The following DGAT1 variants were observed in gnomAD, a reference collection of about 807,000 sequenced individuals.
DGAT1 encodes the protein ACAT related gene product 1.
In DGAT1, 60 loss-of-function variants were observed where a neutral mutation model predicts 72.6. The observed-to-expected ratio is 0.83, with a 90% CI of 0.67 to 1.02. The LOEUF (loss-of-function observed/expected upper bound fraction) is 1.02, where lower values mean the gene tolerates loss of function less well. DGAT1 is among the 50% of genes least tolerant of loss of function. The probability of loss-of-function intolerance (pLI) is 0.00; values close to 1 mark genes in which losing one functional copy is unlikely to be tolerated. For missense variants in DGAT1, 592 were observed against 670.0 expected, an observed-to-expected ratio of 0.88 and a Z score of 1.29; for synonymous variants, 290 against 267.5, an observed-to-expected ratio of 1.08 and a Z score of -0.82.
intron 1 of DGAT1, among the ~76,000 whole-genome samples, chr8:144,323,301 C>T (rs1554848386): frequency 6.6e-6 from 1 of 152,150 alleles, no homozygotes; most frequent in African/African-American, 2.4e-5. Flanking sequence ...CCTACACAAG[C>T]TTTCTCAGGG....
chr8:144,322,670 C>T (rs1817491306), intron 1 of DGAT1, among the ~76,000 whole-genome samples: 2 of 152,202 alleles, frequency 1.3e-5, no homozygotes, highest in Admixed American at 1.3e-4. Context: ...GACAAGTCTA[C>T]ACTAGTCCCC....
In DGAT1 at chr8:144,315,249, C is replaced by T. The variant is rs1395418960; in HGVS notation, c.*1305G>A. 1.0e-6 allele frequency: 1 copy of T among 985,548 alleles called. No homozygotes were observed. The highest frequency in any genetic ancestry group is 1.2e-6 in the Non-Finnish European group (1 of 830,032). The allele number at this position is 985,548 out of a possible 1,614,324, so 61.1% of individuals were successfully genotyped here. A position where few individuals can be genotyped will look rare whatever the true frequency, so the allele number is the denominator to read the frequency against. Reference sequence around the variant, plus strand: ...GTGGGATGGAGGAGTCGGCCCCACACCCATCCCCCCACCAGGAGCTCACCC... The same window carrying T: ...GTGGGATGGAGGAGTCGGCCCCACATCCATCCCCCCACCAGGAGCTCACCC... On this transcript the variant is annotated 3_prime_UTR_variant, in exon 17 of 17. Coordinates refer to ENST00000528718, the MANE Select transcript of DGAT1 (RefSeq NM_012079.6).
chr8:144,325,458 T>A (rs1800261659), intron 1 of DGAT1, among the ~76,000 whole-genome samples: 1 of 151,622 alleles, frequency 6.6e-6, no homozygotes, highest in Non-Finnish European at 1.5e-5. Flanking sequence ...AGAGAGCAAA[T>A]CATTGCCAAC....
intron 7 of DGAT1, 27 bp from the exon 8 acceptor site, chr8:144,318,196 G>C: frequency 1.2e-6 from 2 of 1,609,394 alleles, no homozygotes; most frequent in African/African-American, 2.7e-5. Flanking sequence ...GTGGGAGGGG[G>C]CTGGTGGGGC....
At position 144,315,914 on chromosome 8, in the gene DGAT1, T is replaced by C; in HGVS notation, c.*640A>G. ...CCCACACCAGAAAGGCCCTGTGGAC[T>C]GCCCATCCCTGGGCCATCCTGGCTG... On this transcript the variant is annotated 3_prime_UTR_variant, in exon 17 of 17. Transcript: ENST00000528718. 1.0e-6 allele frequency: 1 copy of C among 986,072 alleles called. No homozygotes were observed. 61.1% of individuals were successfully genotyped at this position (986,072 alleles called of 1,614,324 possible).
rs1207568753 is a variant in DGAT1, at chr8:144,315,861, G to A, written c.*693C>T. The A allele has an allele frequency of 2.5e-5, 25 of 985,434 alleles. No individual in the cohort carries two copies. Among genetic ancestry groups the A allele is most frequent in the Non-Finnish European group, 4.8e-6 (4 of 830,008 alleles). The allele number at this position is 985,434 out of a possible 1,614,324, so 61.0% of individuals were successfully genotyped here. A position where few individuals can be genotyped will look rare whatever the true frequency, so the allele number is the denominator to read the frequency against. ...GCGAATAGCCATGGACATAGCCATT[G>A]TGTACCGTAGCCCCTCGGCTCACCA... On this transcript the variant is annotated 3_prime_UTR_variant, in exon 17 of 17. Coordinates refer to ENST00000528718, the MANE Select transcript of DGAT1 (RefSeq NM_012079.6).
At position 144,318,320 on chromosome 8, in the gene DGAT1, A is replaced by G; in HGVS notation, c.617T>C (p.Leu206Pro). 1 of 1,612,636 alleles carries G rather than the reference A, an allele frequency of 6.2e-7. No homozygotes were observed. The highest frequency in any genetic ancestry group is 8.5e-7 in the Non-Finnish European group (1 of 1,179,790). The part of the protein sequence containing the change: ...LALMAHTILF[L>P]KLFSYRDVNS... ...GACGTCGCGGTAGGAGAAGAGCTTG[A>G]GGAAGAGGATGGTGTGCGCCATCAG... The change falls in exon 7 of 17, where the codon CTC (leucine) becomes CCC (proline). Residue 206 changes from leucine to proline, a missense_variant. By Grantham distance (98) the Leu-to-Pro change is moderately conservative (BLOSUM62 -3). Transcript: ENST00000528718.
In DGAT1 at chr8:144,326,825, C is replaced by A. The variant is rs1267200912; in HGVS notation, c.-189G>T. On this transcript the variant is annotated 5_prime_UTR_variant, in exon 1 of 17. Transcript: ENST00000528718. Reference sequence around the variant, plus strand: ...TCGGGCCCGTCGGCCTCAAGGACAACGGCTGCGTTGCTCCGGAGCCGCTAA... The same window carrying A: ...TCGGGCCCGTCGGCCTCAAGGACAAAGGCTGCGTTGCTCCGGAGCCGCTAA... The A allele has an allele frequency of 6.5e-6, 2 of 309,514 alleles. No homozygotes were observed. Among genetic ancestry groups the A allele is most frequent in the African/African-American group, 4.5e-5 (2 of 44,940 alleles). 19.2% of individuals were successfully genotyped at this position (309,514 alleles called of 1,614,324 possible). A position where few individuals can be genotyped will look rare whatever the true frequency, so the allele number is the denominator to read the frequency against.
intron 1 of DGAT1, among the ~76,000 whole-genome samples, chr8:144,324,053 G>A (rs6988119): frequency 0.1 from 15,553 of 152,266 alleles, 949 homozygotes; most frequent in Non-Finnish European, 0.13. Context: ...GGATGGCCCC[G>A]ACTGGGGTGC....
At chr8:144,318,197 C>T (rs1554847538) in intron 7 of DGAT1, 28 bp from the exon 8 acceptor site, 1 of 1,609,368 alleles carries the variant, frequency 6.2e-7, no homozygotes, top group Non-Finnish European at 8.5e-7. Flanking sequence ...TGGGAGGGGG[C>T]TGGTGGGGCC....
At chr8:144,317,854 G>A (rs1588681547) in intron 9 of DGAT1, 32 bp from the exon 10 acceptor site, 3 of 1,596,162 alleles carry the variant, frequency 1.9e-6, no homozygotes, top group African/African-American at 2.7e-5. Flanking sequence ...GCCAGCTGAG[G>A]CCCTGGCTAG....
rs781841294 is a variant in DGAT1 at position 144,317,452 on chromosome 8, GGGA to G, written c.982-10_982-8del. On this transcript the variant is annotated splice_region_variant and splice_polypyrimidine_tract_variant and intron_variant, in intron 12 of 16. Transcript: ENST00000528718. Reference sequence around the variant, plus strand: ...AGATGAGGTGATTGGGGACCTGGCAGGGAGGTGGGGGTGGGCACCAAGTTCTAG... The same window carrying G: ...AGATGAGGTGATTGGGGACCTGGCAGGGTGGGGGTGGGCACCAAGTTCTAG... The G allele has an allele frequency of 5.0e-6, 8 of 1,613,712 alleles. No homozygotes were observed. Among genetic ancestry groups the G allele is most frequent in the Non-Finnish European group, 6.8e-6 (8 of 1,179,972 alleles).
Position 144,315,527 on chromosome 8 carries a change from A to C in DGAT1, c.*1027T>G. The C allele has an allele frequency of 1.0e-6, 1 of 985,486 alleles. No homozygotes were observed. Among genetic ancestry groups the C allele is most frequent in the Middle Eastern group, 5.2e-4 (1 of 1,912 alleles). The allele number at this position is 985,486 out of a possible 1,614,324, so 61.0% of individuals were successfully genotyped here. On this transcript the variant is annotated 3_prime_UTR_variant, in exon 17 of 17. Coordinates refer to ENST00000528718, the MANE Select transcript of DGAT1 (RefSeq NM_012079.6). ...TGGTCCAGTCTTGGGGTCTTTAATC[A>C]AGCAGTCACCCCAGCAAGGTAAGGC...
chr8:144,322,653 G>C (rs1817490895), intron 1 of DGAT1, among the ~76,000 whole-genome samples: 1 of 152,166 alleles, frequency 6.6e-6, no homozygotes, highest in African/African-American at 2.4e-5. Context: ...CACCTACACA[G>C]TTCCTGGACA....
chr8:144,326,758 AG>A lies in DGAT1; in HGVS notation c.-123del, dbSNP rs1817606845. On this transcript the variant is annotated 5_prime_UTR_variant, in exon 1 of 17. Coordinates refer to ENST00000528718, the MANE Select transcript of DGAT1 (RefSeq NM_012079.6). ...GCCACTGCCCCCTGCCGGCCGCCGT[AG>A]CCCGGGTGACCGCCTCACCAGCGCG... is the stretch of plus-strand genomic sequence containing the variant. 1 of 847,728 alleles carries A rather than the reference AG, an allele frequency of 1.2e-6. No individual in the cohort carries two copies. Among genetic ancestry groups the A allele is most frequent in the Non-Finnish European group, 1.5e-6 (1 of 679,514 alleles). The allele number at this position is 847,728 out of a possible 1,614,324, so 52.5% of individuals were successfully genotyped here.
intron 2 of DGAT1, among the ~76,000 whole-genome samples, chr8:144,319,678 G>A (rs782589386): frequency 5.3e-5 from 8 of 152,198 alleles, no homozygotes; most frequent in Non-Finnish European, 1.0e-4. Context: ...TCTAAGCCTT[G>A]GACACTTGGC....
intron 1 of DGAT1, among the ~76,000 whole-genome samples, chr8:144,325,268 C>T (rs1554848657): frequency 6.6e-6 from 1 of 152,024 alleles, no homozygotes; most frequent in Non-Finnish European, 1.5e-5. Flanking sequence ...CCCTCCTCCC[C>T]ACGGCCCCTT....
At chr8:144,316,769 G>A (rs1817241002) in intron 16 of DGAT1, 60 bp from the exon 17 acceptor site, 5 of 1,599,058 alleles carry the variant, frequency 3.1e-6, no homozygotes, top group Non-Finnish European at 4.3e-6. Flanking sequence ...GGGCTTCAGG[G>A]TCCCTGGGCA....
At position 144,321,510 on chromosome 8, in the gene DGAT1, G is replaced by C. The variant is rs551294677; in HGVS notation, c.201-102C>G. 152 of 1,037,134 alleles carry C rather than the reference G, an allele frequency of 1.5e-4. No individual in the cohort carries two copies. The African/African-American group carries it at 2.2e-3, about 15-fold the overall frequency. 64.2% of individuals were successfully genotyped at this position (1,037,134 alleles called of 1,614,324 possible). A position where few individuals can be genotyped will look rare whatever the true frequency, so the allele number is the denominator to read the frequency against. On this transcript the variant is annotated intron_variant, in intron 1 of 16. Coordinates refer to ENST00000528718, the MANE Select transcript of DGAT1 (RefSeq NM_012079.6). The stretch of plus-strand genomic sequence containing the variant: ...ACCCCAGTGTCCTCGTCTGCCCTCA[G>C]GCCCCACTCCTTATTTACAACCAGG...
Sources: gnomAD v4.1 joint callset for allele counts (sites outside exome capture counted in the v4.1 genomes callset) on GRCh38, gnomAD v4.1.1 for gene constraint, MANE v1.5 for transcripts, NCBI Gene and HGNC (gene_info 2026-07-23, HGNC 2026-07-21) for gene names.